The following RAB38 variants were observed in gnomAD, a reference collection of about 807,000 sequenced individuals.
RAB38 encodes the protein RAB38, member RAS oncogene family, also known as ras-related protein Rab-38.
In RAB38, 15 loss-of-function variants were observed where a neutral mutation model predicts 18.4. That is an observed-to-expected ratio of 0.82 (90% confidence interval 0.55 to 1.26). The LOEUF (loss-of-function observed/expected upper bound fraction) is 1.26, where lower values mean the gene tolerates loss of function less well. Among genes scored for constraint, RAB38 ranks in the 50% most tolerant of loss-of-function variants. The pLI is 0.00. For missense variants in RAB38, 294 were observed against 267.4 expected, an observed-to-expected ratio of 1.10 and a Z score of -0.69; for synonymous variants, 101 against 104.4, an observed-to-expected ratio of 0.97 and a Z score of 0.20.
the RAB38 span, among the ~76,000 whole-genome samples, chr11:87,871,051 A>G: frequency 6.6e-6 from 1 of 151,664 alleles, no homozygotes; most frequent in African/African-American, 2.4e-5. Context: ...TTTAATCTGG[A>G]TGCAAACACT....
the RAB38 span, among the ~76,000 whole-genome samples, chr11:87,812,214 T>C: frequency 6.6e-6 from 1 of 152,244 alleles, no homozygotes; most frequent in Non-Finnish European, 1.5e-5. Context: ...ATGACCTGAT[T>C]AGTGTCATTC....
At chr11:87,861,314 GT>G in the RAB38 span, among the ~76,000 whole-genome samples, 5 of 151,914 alleles carry the variant, frequency 3.3e-5, no homozygotes, top group African/African-American at 4.8e-5. Flanking sequence ...TGCCAAAATG[GT>G]TTCACTCAGA....
At chr11:88,133,530 G>C (rs1247391329) in intron 2 of RAB38, among the ~76,000 whole-genome samples, 3 of 152,096 alleles carry the variant, frequency 2.0e-5, no homozygotes, top group Non-Finnish European at 4.4e-5. Flanking sequence ...GCTTACTCCT[G>C]TTACACCCTA....
the RAB38 span, among the ~76,000 whole-genome samples, chr11:87,956,630 A>G: frequency 1.3e-5 from 2 of 152,174 alleles, no homozygotes; most frequent in Non-Finnish European, 2.9e-5. Context: ...AGCTCAGAAC[A>G]TGATATGTGA....
rs562066087 is a variant in RAB38 at position 88,155,281 on chromosome 11, A to G, written c.203-5326T>C. ...GTTCCAAGAATCAGCCCATTGCCTG[A>G]GGCAACAGAGAGCTTCCGCCAGTAA... On this transcript the variant is annotated intron_variant, in intron 1 of 2. Transcript: ENST00000243662. Among the ~76,000 whole-genome samples the G allele has an allele frequency of 4.8e-4, 73 of 152,328 alleles. 1 individual carries two copies. The South Asian group carries it at 0.015, about 31-fold the overall frequency.
the RAB38 span, among the ~76,000 whole-genome samples, chr11:87,884,152 A>G: frequency 6.6e-6 from 1 of 151,958 alleles, no homozygotes; most frequent in Non-Finnish European, 1.5e-5. Flanking sequence ...TTATCTTTAG[A>G]TTAGATACCT....
chr11:87,899,835 TTTC>T, the RAB38 span, among the ~76,000 whole-genome samples: 1 of 151,662 alleles, frequency 6.6e-6, no homozygotes, highest in Non-Finnish European at 1.5e-5. Context: ...TTGTTCAGGC[TTTC>T]TTCTTATAGA....
intron 2 of RAB38, among the ~76,000 whole-genome samples, chr11:88,122,855 C>T (rs746456052): frequency 6.6e-6 from 1 of 152,166 alleles, no homozygotes; most frequent in Non-Finnish European, 1.5e-5. Context: ...GAGACTGGTA[C>T]ATCATTGTCC....
chr11:88,032,762 C>G, the RAB38 span, among the ~76,000 whole-genome samples: 3 of 152,168 alleles, frequency 2.0e-5, no homozygotes, highest in African/African-American at 4.8e-5. Flanking sequence ...AATAGGAACA[C>G]TTTTACACTG....
At chr11:88,106,855 C>G in the RAB38 span, among the ~76,000 whole-genome samples, 1 of 152,048 alleles carries the variant, frequency 6.6e-6, no homozygotes, top group Non-Finnish European at 1.5e-5. Flanking sequence ...TTCCAAGAAG[C>G]CAATGTTTTA....
the RAB38 span, among the ~76,000 whole-genome samples, chr11:87,913,438 C>G: frequency 6.6e-6 from 1 of 151,936 alleles, no homozygotes; most frequent in African/African-American, 2.4e-5. Flanking sequence ...ATTAAGTAAC[C>G]CCTGAACATT....
intron 2 of RAB38, among the ~76,000 whole-genome samples, chr11:88,117,773 G>C (rs1213122658): frequency 6.6e-6 from 1 of 152,052 alleles, no homozygotes; most frequent in African/African-American, 2.4e-5. Context: ...GTAAAAGAGA[G>C]AATTCAAAAT....
At chr11:88,117,657 T>C (rs1247819544) in intron 2 of RAB38, among the ~76,000 whole-genome samples, 2 of 152,216 alleles carry the variant, frequency 1.3e-5, no homozygotes, top group Non-Finnish European at 2.9e-5. Flanking sequence ...GTATAGTCTT[T>C]AGAGTACAGG....
the RAB38 span, among the ~76,000 whole-genome samples, chr11:87,912,762 C>CTTTTTTTTTTTTTTTTTTT: frequency 5.8e-5 from 5 of 86,556 alleles, 1 homozygote; most frequent in Non-Finnish European, 1.2e-4. Context: ...AATTTTCTTT[C>CTTTTTTTTTTTTTTTTTTT]TTTCTTTTTT....
chr11:87,877,095 T>A, the RAB38 span, among the ~76,000 whole-genome samples: 4 of 151,546 alleles, frequency 2.6e-5, no homozygotes, highest in South Asian at 8.3e-4. Context: ...CAGATAGGTG[T>A]CATCTTTTTA....
At chr11:88,107,004 T>C in the RAB38 span, among the ~76,000 whole-genome samples, 1 of 152,142 alleles carries the variant, frequency 6.6e-6, no homozygotes, top group East Asian at 1.9e-4. Context: ...ACTCTAAAAT[T>C]CCCTCCCGTG....
At chr11:88,050,050 A>C in the RAB38 span, 2 of 152,178 alleles carry the variant, frequency 1.3e-5, no homozygotes, top group African/African-American at 4.8e-5. Context: ...ATAAGCAAAA[A>C]TCCTGAGCTA....
chr11:87,899,396 C>T, the RAB38 span, among the ~76,000 whole-genome samples: 1 of 151,620 alleles, frequency 6.6e-6, no homozygotes, highest in African/African-American at 2.4e-5. Flanking sequence ...CTTAACTCCT[C>T]TAAGCTGTTT....
chr11:87,897,350 G>T, the RAB38 span, among the ~76,000 whole-genome samples: 1 of 151,414 alleles, frequency 6.6e-6, no homozygotes, highest in African/African-American at 2.4e-5. Flanking sequence ...GCAAACACTG[G>T]TATTTTTATA....
Sources: allele counts gnomAD v4.1 joint callset (sites outside exome capture counted in the v4.1 genomes callset), GRCh38; gene constraint gnomAD v4.1.1; transcripts MANE v1.5; gene names NCBI Gene and HGNC (gene_info 2026-07-23, HGNC 2026-07-21).